Variants in SLC26A7 observed in about 807,000 individuals in gnomAD.
SLC26A7 encodes anion exchange transporter.
A neutral mutation model predicts 82.5 loss-of-function variants in SLC26A7; 59 were observed. The ratio of observed to expected loss-of-function variants is 0.72; its 90% CI spans 0.58 to 0.89. The LOEUF is 0.89. Ranked by LOEUF, SLC26A7 falls within the 40% of genes least tolerant of loss-of-function variation. The probability of loss-of-function intolerance (pLI) is 0.00; values close to 1 mark genes in which losing one functional copy is unlikely to be tolerated. For synonymous variants in SLC26A7, 271 were observed against 274.3 expected (o/e 0.99, Z 0.12); for missense variants, 820 against 793.0 (o/e 1.03, Z -0.41).
chr8:91,288,209 G>A (rs73694616), intron 2 of SLC26A7, among the ~76,000 whole-genome samples: 2 of 152,260 alleles, frequency 1.3e-5, no homozygotes, highest in African/African-American at 4.8e-5. Flanking sequence ...ATAATTACCT[G>A]CCTCATATTC....
At chr8:91,317,151 C>A (rs1213808849) in intron 4 of SLC26A7, among the ~76,000 whole-genome samples, 2 of 151,362 alleles carry the variant, frequency 1.3e-5, no homozygotes, top group Admixed American at 1.3e-4. Context: ...CAGAGTGAGA[C>A]CTTATCTAAA....
intron 16 of SLC26A7, among the ~76,000 whole-genome samples, 170 bp downstream of exon 16, chr8:91,389,608 G>A (rs980715705): frequency 1.3e-5 from 2 of 152,152 alleles, no homozygotes; most frequent in African/African-American, 4.8e-5. Context: ...TTTGTTTTCA[G>A]GAGATCCTAT....
intron 5 of SLC26A7, among the ~76,000 whole-genome samples, chr8:91,333,423 A>G (rs1165855351): frequency 6.6e-6 from 1 of 152,138 alleles, no homozygotes; most frequent in African/African-American, 2.4e-5. Context: ...TTTCTTGACC[A>G]TACTTTTCAG....
chr8:91,368,813 C>T (rs1173470699), intron 14 of SLC26A7, among the ~76,000 whole-genome samples: 1 of 152,188 alleles, frequency 6.6e-6, no homozygotes, highest in Non-Finnish European at 1.5e-5. Context: ...CTAACTTAAT[C>T]ATCACCAGCC....
At chr8:91,281,937 T>C (rs1344914445) in intron 2 of SLC26A7, among the ~76,000 whole-genome samples, 1 of 152,224 alleles carries the variant, frequency 6.6e-6, no homozygotes, top group Non-Finnish European at 1.5e-5. Context: ...TGGTATTTGC[T>C]AGCTGATATC....
At chr8:91,211,445 A>G (rs1440043189) in intron 1 of SLC26A7, among the ~76,000 whole-genome samples, 2 of 151,384 alleles carry the variant, frequency 1.3e-5, no homozygotes, top group Non-Finnish European at 3.0e-5. Flanking sequence ...AAAAATTTAA[A>G]TGCCGTTCAT....
At chr8:91,272,782 G>C (rs1022020707) in intron 2 of SLC26A7, among the ~76,000 whole-genome samples, 21 of 152,218 alleles carry the variant, frequency 1.4e-4, no homozygotes, top group African/African-American at 5.1e-4. Context: ...GCCATTGGTG[G>C]ATCTTAAGGA....
intron 9 of SLC26A7, chr8:91,348,381 C>T (rs1238325633): frequency 4.1e-6 from 4 of 984,468 alleles, no homozygotes; most frequent in Non-Finnish European, 4.8e-6. Context: ...TCTCCCTCTA[C>T]TCCCAACGAA....
chr8:91,218,864 T>C, intron 1 of SLC26A7: 1 of 1,435,924 alleles, frequency 7.0e-7, no homozygotes, highest in Non-Finnish European at 9.5e-7. Flanking sequence ...ACTGCCTAAA[T>C]TTTATTTTTA....
intron 11 of SLC26A7, among the ~76,000 whole-genome samples, chr8:91,354,973 A>G (rs1813822663): frequency 1.3e-5 from 2 of 152,020 alleles, no homozygotes; most frequent in South Asian, 2.1e-4. Flanking sequence ...ATCACCAAGT[A>G]GTTTTCCCAG....
chr8:91,278,090 G>T (rs1202119221), intron 2 of SLC26A7, among the ~76,000 whole-genome samples: 1 of 152,260 alleles, frequency 6.6e-6, no homozygotes, highest in African/African-American at 2.4e-5. Context: ...GGGGAGGAGG[G>T]AAGTGGAAAT....
Position 91,258,280 on chromosome 8 carries a change from G to A in SLC26A7, c.193+8436G>A, listed in dbSNP as rs564145206. 1.0e-3 allele frequency among the ~76,000 whole-genome samples: 156 copies of A among 151,964 alleles called. 1 individual carries two copies. Among genetic ancestry groups the A allele is most frequent in the African/African-American group, 3.5e-3 (144 of 41,448 alleles). On this transcript the variant is annotated intron_variant, in intron 2 of 18. Transcript: ENST00000276609. Reference sequence around the variant, plus strand: ...TCCTTCCTAGCTCTAGAGATAAATCGCCAGCTGCCTATTGGGCACAATCTC... The same window carrying A: ...TCCTTCCTAGCTCTAGAGATAAATCACCAGCTGCCTATTGGGCACAATCTC...
Position 91,297,540 on chromosome 8 carries a change from A to G in SLC26A7, c.477+1837A>G, listed in dbSNP as rs572493523. ...TTATTACATGTAAAATCTGATTCAG[A>G]GAGTTGCATATTTTCTCTTATAACT... is the stretch of plus-strand genomic sequence containing the variant. On this transcript the variant is annotated intron_variant, in intron 4 of 18. Coordinates refer to ENST00000276609, the MANE Select transcript of SLC26A7 (RefSeq NM_052832.4). Among the ~76,000 whole-genome samples, 201 of 152,218 alleles carry G rather than the reference A, an allele frequency of 1.3e-3. 1 individual carries two copies. Among genetic ancestry groups the G allele is most frequent in the African/African-American group, 4.6e-3 (190 of 41,576 alleles).
chr8:91,318,679 A>C (rs1812709656), intron 5 of SLC26A7, among the ~76,000 whole-genome samples: 1 of 152,156 alleles, frequency 6.6e-6, no homozygotes, highest in South Asian at 2.1e-4. Flanking sequence ...CTTCTAATGG[A>C]AGTCATCCAC....
intron 15 of SLC26A7, among the ~76,000 whole-genome samples, chr8:91,384,167 T>C (rs1453642169): frequency 6.6e-6 from 1 of 152,168 alleles, no homozygotes; most frequent in Non-Finnish European, 1.5e-5. Flanking sequence ...AATCAAGTTT[T>C]GGCAGGGCTG....
At chr8:91,214,241 G>A (rs1015980445) in intron 1 of SLC26A7, among the ~76,000 whole-genome samples, 1 of 152,124 alleles carries the variant, frequency 6.6e-6, no homozygotes, top group Non-Finnish European at 1.5e-5. Context: ...GGGTGTGAAG[G>A]AGAAAGAGTC....
chr8:91,242,492 A>G (rs1469984657), intron 2 of SLC26A7, among the ~76,000 whole-genome samples: 1 of 152,208 alleles, frequency 6.6e-6, no homozygotes, highest in East Asian at 1.9e-4. Flanking sequence ...TTCATATGTT[A>G]AAGCCCTAGC....
At chr8:91,377,305 T>G (rs1414091908) in intron 15 of SLC26A7, among the ~76,000 whole-genome samples, 2 of 152,120 alleles carry the variant, frequency 1.3e-5, no homozygotes, top group Non-Finnish European at 2.9e-5. Flanking sequence ...TGCTGCCCCC[T>G]TTCAGTGATT....
At position 91,370,187 on chromosome 8, in the gene SLC26A7, T is replaced by TC. The variant is rs397969050; in HGVS notation, c.1675+355dup. On this transcript the variant is annotated intron_variant, in intron 15 of 18. Transcript: ENST00000276609. ...CTCTTCTTCTTTCCTTCTTTTTTTT[T>TC]CTATTTTCTCCTCCTTTCTCTCTTT... 1.8e-5 allele frequency among the ~76,000 whole-genome samples: 2 copies of TC among 112,306 alleles called. 1 individual carries two copies. The highest frequency in any genetic ancestry group is 9.1e-5 in the African/African-American group (2 of 21,916). 73.7% of individuals were successfully genotyped at this position (112,306 alleles called of 152,430 possible). A position where few individuals can be genotyped will look rare whatever the true frequency, so the allele number is the denominator to read the frequency against.
Sources: allele counts gnomAD v4.1 joint callset (sites outside exome capture counted in the v4.1 genomes callset), GRCh38; gene constraint gnomAD v4.1.1; transcripts MANE v1.5; gene names NCBI Gene and HGNC (gene_info 2026-07-23, HGNC 2026-07-21).